The following CHAT variants were observed in gnomAD, a reference collection of about 807,000 sequenced individuals.
CHAT encodes the protein acetyl CoA:choline O-acetyltransferase.
A neutral mutation model predicts 76.9 loss-of-function variants in CHAT; 61 were observed. That is an observed-to-expected ratio of 0.79 (90% CI 0.65 to 0.98). The LOEUF (loss-of-function observed/expected upper bound fraction) is 0.98. Ranked by LOEUF, CHAT falls within the 50% of genes least tolerant of loss-of-function variation. The pLI is 0.00. For missense variants in CHAT, 946 were observed against 986.9 expected (o/e 0.96, Z 0.56); for synonymous variants, 407 against 397.4 (o/e 1.02, Z -0.29).
intron 7 of CHAT, among the ~76,000 whole-genome samples, chr10:49,643,076 G>T (rs1001583697): frequency 3.9e-5 from 6 of 152,228 alleles, no homozygotes; most frequent in Non-Finnish European, 5.9e-5. Context: ...GTTTACAAGA[G>T]AAACCTTGTA....
Position 49,649,654 on chromosome 10 carries a change from C to T in CHAT, c.1511+18C>T, listed in dbSNP as rs1839805310. ...CTTCAACGGTAAGGATAACCGAAGT[C>T]TCCTTTGAGGGGTCCCCTAGGGACC... On this transcript the variant is annotated intron_variant, in intron 10 of 14. Transcript: ENST00000337653. 1 of 1,613,424 alleles carries T rather than the reference C, an allele frequency of 6.2e-7. No homozygotes were observed. Among genetic ancestry groups the T allele is most frequent in the African/African-American group, 1.3e-5 (1 of 74,936 alleles).
rs1838751947 is a variant in CHAT, at chr10:49,622,134, A to G, written c.736A>G (p.Lys246Glu). The G allele has an allele frequency of 1.9e-6, 3 of 1,613,382 alleles. No homozygotes were observed. The highest frequency in any genetic ancestry group is 2.7e-5 in the African/African-American group (2 of 74,834). ...ASLISGVLSYKALLDSHSIPT... is the reference protein window; with the variant it reads ...ASLISGVLSYEALLDSHSIPT... ...CCTCATCTCTGGTGTACTCAGCTAC[A>G]AGGCCCTGCTGGACAGGTAGGACTG... The change falls in exon 5 of 15, where the codon AAG becomes GAG. Residue 246 changes from lysine (K) to glutamate (E), a missense_variant. By Grantham distance (56) the Lys-to-Glu change is moderately conservative. Transcript: ENST00000337653.
chr10:49,615,832 A>C lies in CHAT; in HGVS notation c.287-670A>C, dbSNP rs1026085691. The C allele has an allele frequency of 1.3e-4, 78 of 586,004 alleles. 1 individual carries two copies. The Middle Eastern group carries it at 3.1e-3, about 23-fold the overall frequency. 36.3% of individuals were successfully genotyped at this position (586,004 alleles called of 1,614,324 possible). On this transcript the variant is annotated intron_variant, in intron 1 of 14. Coordinates refer to ENST00000337653, the MANE Select transcript of CHAT (RefSeq NM_020549.5). ...AGCCTCCCTGCATACCTCCCTGGGC[A>C]CTCCTATGGCATCTACACTGGCAGC...
intron 7 of CHAT, among the ~76,000 whole-genome samples, chr10:49,628,595 A>G (rs1436251510): frequency 6.6e-6 from 1 of 152,226 alleles, no homozygotes; most frequent in Non-Finnish European, 1.5e-5. Context: ...AAGAGGGGGC[A>G]TGGGGAGGAG....
chr10:49,653,165 A>G (rs1472711103), intron 11 of CHAT, among the ~76,000 whole-genome samples: 1 of 151,762 alleles, frequency 6.6e-6, no homozygotes, highest in Non-Finnish European at 1.5e-5. Context: ...TGAATCACAG[A>G]CGGGAGGTTT....
chr10:49,614,030 G>C (rs1178214988), upstream of CHAT: 3 of 1,321,254 alleles, frequency 2.3e-6, no homozygotes, highest in Non-Finnish European at 3.1e-6. Flanking sequence ...GAAGTGCGGT[G>C]ACTGGGAAAT....
chr10:49,654,970 T>A (rs537921803), intron 11 of CHAT, 125 bp from the exon 12 acceptor site: 2 of 1,031,756 alleles, frequency 1.9e-6, no homozygotes, highest in Middle Eastern at 2.0e-4. Flanking sequence ...AATATTAAAA[T>A]GAAATATTCT....
chr10:49,621,913 C>T (rs943159423), intron 4 of CHAT, among the ~76,000 whole-genome samples, 184 bp from the exon 5 acceptor site: 3 of 3,906 alleles, frequency 7.7e-4, no homozygotes, highest in African/African-American at 2.3e-3. Flanking sequence ...CACACGGGGG[C>T]GGCATACAAT....
At chr10:49,610,060 A>G (rs1371880357), upstream of CHAT, among the ~76,000 whole-genome samples, 1 of 151,100 alleles carries the variant, frequency 6.6e-6, no homozygotes. Context: ...AGGGCCAGCT[A>G]CCGGCGCGGA....
At chr10:49,655,336 G>T in intron 12 of CHAT, 50 bp from the exon 13 acceptor site, 2 of 1,612,484 alleles carry the variant, frequency 1.2e-6, no homozygotes, top group Non-Finnish European at 1.7e-6. Flanking sequence ...AGATGCTTTG[G>T]CTCCAAGCAG....
intron 10 of CHAT, 150 bp from the exon 11 acceptor site, chr10:49,651,734 A>T (rs1839885368): frequency 1.4e-6 from 1 of 723,740 alleles, no homozygotes; most frequent in Non-Finnish European, 2.3e-6. Context: ...CATGTCTCTG[A>T]CACCTCAGTG....
chr10:49,655,498 G>A lies in CHAT; in HGVS notation c.1839+50G>A, dbSNP rs965782215. The A allele has an allele frequency of 2.5e-6, 4 of 1,569,892 alleles. No homozygotes were observed. The Admixed American group carries it at 6.7e-5, about 26-fold the overall frequency. On this transcript the variant is annotated intron_variant, in intron 13 of 14. Transcript: ENST00000337653. The stretch of plus-strand genomic sequence containing the variant: ...AACACTGCACTTGAGCTGTGCCTGG[G>A]GCCTGCCAGAATGGGCACCACGGCA...
chr10:49,611,081 G>A, upstream of CHAT: 2 of 1,614,038 alleles, frequency 1.2e-6, no homozygotes, highest in Non-Finnish European at 8.5e-7. Context: ...CTTCGGCCCC[G>A]CTACCCTACG....
At chr10:49,654,021 A>G (rs1839959122) in intron 11 of CHAT, among the ~76,000 whole-genome samples, 1 of 152,246 alleles carries the variant, frequency 6.6e-6, no homozygotes, top group Non-Finnish European at 1.5e-5. Context: ...CATGAGCAGC[A>G]TTCTTCAGGC....
intron 7 of CHAT, among the ~76,000 whole-genome samples, chr10:49,638,741 TTAAATATTATCTCTA>T (rs1839376844): frequency 1.3e-5 from 2 of 152,230 alleles, no homozygotes; most frequent in Admixed American, 1.3e-4. Context: ...TACACTTGTC[TTAAATATTATCTCTA>T]TATACATTTA....
chr10:49,620,454 G>GT, intron 3 of CHAT, 41 bp from the exon 4 acceptor site: 1 of 1,365,396 alleles, frequency 7.3e-7, no homozygotes, highest in African/African-American at 1.4e-5. Flanking sequence ...GGATGGGACT[G>GT]TTTGGGGGGA....
intron 11 of CHAT, among the ~76,000 whole-genome samples, chr10:49,652,302 G>C (rs2132821527): frequency 6.6e-6 from 1 of 152,248 alleles, no homozygotes; most frequent in Admixed American, 6.5e-5. Context: ...CCATGGTTGG[G>C]GTTGGGGGGC....
chr10:49,625,302 C>T (rs1012838007), intron 5 of CHAT, among the ~76,000 whole-genome samples, 171 bp from the exon 6 acceptor site: 1 of 152,184 alleles, frequency 6.6e-6, no homozygotes, highest in African/African-American at 2.4e-5. Context: ...GAAATGGGGC[C>T]TCCACTACTT....
intron 10 of CHAT, among the ~76,000 whole-genome samples, chr10:49,651,190 G>T (rs1049728095): frequency 1.7e-4 from 26 of 152,036 alleles, no homozygotes; most frequent in African/African-American, 5.8e-4. Flanking sequence ...TCTGTCAACA[G>T]GTAGGTCTAA....
Sources: gnomAD v4.1 joint callset for allele counts (sites outside exome capture counted in the v4.1 genomes callset) on GRCh38, gnomAD v4.1.1 for gene constraint, MANE v1.5 for transcripts, NCBI Gene and HGNC (gene_info 2026-07-23, HGNC 2026-07-21) for gene names.